MYBPC3: variants seen among roughly 807,000 people sequenced by gnomAD.
MYBPC3 encodes the protein myosin binding protein C3.
A neutral mutation model predicts 159.3 loss-of-function variants in MYBPC3; 108 were observed. The observed-to-expected ratio is 0.68, with a 90% confidence interval of 0.58 to 0.80. The LOEUF is 0.80. Ranked by LOEUF, MYBPC3 falls within the 30% of genes least tolerant of loss-of-function variation. The pLI is 0.00. For missense variants in MYBPC3, 1,631 were observed against 1,762.1 expected (o/e 0.93, Z 1.33); for synonymous variants, 730 against 702.0 (o/e 1.04, Z -0.63).
intron 24 of MYBPC3, 27 bp downstream of exon 24, chr11:47,337,663 A>G (rs760543604): frequency 6.3e-7 from 1 of 1,597,752 alleles, no homozygotes. Context: ...GCGCCCTCAC[A>G]CCTCCATCCG....
intron 27 of MYBPC3, among the ~76,000 whole-genome samples, chr11:47,334,617 A>G (rs2095880450): frequency 6.6e-6 from 1 of 151,686 alleles, no homozygotes; most frequent in Non-Finnish European, 1.5e-5. Context: ...CTGGAGTGCA[A>G]TAGTGTGATC....
In MYBPC3 at chr11:47,348,509, G is replaced by T. The variant is rs886733130; in HGVS notation, c.687C>A (p.Ala229=). ...GGTAGCTGCCAGTGAAGGCAGGCTGGGCATCGGTGATGTGCAGCTCGAACA... is the reference window on the plus strand; with the variant it reads ...GGTAGCTGCCAGTGAAGGCAGGCTGTGCATCGGTGATGTGCAGCTCGAACA... ...VYLFELHITD[A]QPAFTGSYRC... Residue 229 remains alanine (A), a synonymous_variant, in exon 6 of 35, where the codon GCC becomes GCA. Coordinates refer to ENST00000545968, the MANE Select transcript of MYBPC3 (RefSeq NM_000256.3). The T allele has an allele frequency of 6.2e-7, 1 of 1,613,430 alleles. No individual in the cohort carries two copies. Among genetic ancestry groups the T allele is most frequent in the Non-Finnish European group, 8.5e-7 (1 of 1,179,662 alleles).
rs373746463 is a variant in MYBPC3, at chr11:47,333,189, C to T, written c.3330+5G>A. 1.9e-6 allele frequency: 3 copies of T among 1,601,506 alleles called. No individual in the cohort carries two copies. Among genetic ancestry groups the T allele is most frequent in the South Asian group, 1.1e-5 (1 of 88,534 alleles). On this transcript the variant is annotated splice_donor_5th_base_variant and intron_variant, in intron 30 of 34. Coordinates refer to ENST00000545968, the MANE Select transcript of MYBPC3 (RefSeq NM_000256.3). ...GCACGTGGGGACCCCAGACCCTGGG[C>T]TCACCATGGTCTTCTTGTCGGCTTT...
In MYBPC3 at chr11:47,332,857, G is replaced by A. The variant is rs915970920; in HGVS notation, c.3447C>T (p.Asp1149=). 6.2e-7 allele frequency: 1 copy of A among 1,607,458 alleles called. No homozygotes were observed. Among genetic ancestry groups the A allele is most frequent in the African/African-American group, 1.3e-5 (1 of 74,930 alleles). ...VFSQNMVGFS[D]RAATTKEPVF... ...CGGGCTCCTTGGTGGTGGCCGCTCTGTCACTAAAGCCAACCATATTCTGGC... is the reference window on the plus strand; with the variant it reads ...CGGGCTCCTTGGTGGTGGCCGCTCTATCACTAAAGCCAACCATATTCTGGC... Residue 1149 remains aspartate, a synonymous_variant, in exon 31 of 35, where the codon GAC becomes GAT. Transcript: ENST00000545968. This position sits in a 1 kb window ranked among gnomAD's most constrained non-coding sequence, Gnocchi z 4.2.
chr11:47,347,142 CCT>C, intron 9 of MYBPC3, 113 bp from the exon 10 acceptor site: 2 of 1,398,044 alleles, frequency 1.4e-6, no homozygotes, highest in Non-Finnish European at 1.9e-6. Context: ...CTCTGGGGAC[CCT>C]CTCTCTGTTC....
intron 1 of MYBPC3, 105 bp downstream of exon 1, chr11:47,352,518 C>A: frequency 4.8e-6 from 7 of 1,457,178 alleles, no homozygotes; most frequent in Non-Finnish European, 6.5e-6. Context: ...GGCTCAGAGG[C>A]CACGTCCTCG....
Position 47,339,717 on chromosome 11 carries a change from T to C in MYBPC3, c.2001A>G (p.Leu667=), listed in dbSNP as rs2095886373. Residue 667 remains leucine, a synonymous_variant, in exon 21 of 35, where the codon CTA becomes CTG. Coordinates refer to ENST00000545968, the MANE Select transcript of MYBPC3 (RefSeq NM_000256.3). ...DTIVVVAGNK[L]RLDVPISGDP... is the part of the protein sequence containing the mutation. ...CCCCAGAGATAGGGACGTCCAGACGTAGCTTATTTCCAGCTACAACCACAA... is the reference window on the plus strand; with the variant it reads ...CCCCAGAGATAGGGACGTCCAGACGCAGCTTATTTCCAGCTACAACCACAA... The C allele has an allele frequency of 6.2e-7, 1 of 1,613,920 alleles. No homozygotes were observed.
At chr11:47,333,173 G>A in intron 30 of MYBPC3, 21 bp downstream of exon 30, 1 of 1,597,928 alleles carries the variant, frequency 6.3e-7, no homozygotes, top group Non-Finnish European at 8.5e-7. Flanking sequence ...TGCACGTGGG[G>A]ACCCCAGACC....
In MYBPC3 at chr11:47,337,672, C is replaced by T. The variant is rs768281173; in HGVS notation, c.2413+18G>A. ...TGTTTGGCGCCCTCACACCTCCATC[C>T]GGTGCCCTTGCACTCACCCAGGATG... On this transcript the variant is annotated intron_variant, in intron 24 of 34. Transcript: ENST00000545968. The T allele has an allele frequency of 2.1e-5, 33 of 1,594,290 alleles. No individual in the cohort carries two copies. The highest frequency in any genetic ancestry group is 6.8e-5 in the East Asian group (3 of 43,860).
chr11:47,333,644 C>T lies in MYBPC3; in HGVS notation c.3103G>A (p.Ala1035Thr), dbSNP rs552505566. 1.7e-5 allele frequency: 28 copies of T among 1,609,026 alleles called. No individual in the cohort carries two copies. The highest frequency in any genetic ancestry group is 1.4e-4 in the South Asian group (13 of 91,088). ...TAAGTGCCTGAATGCACGCGGCGAG[C>T]GGCCCGGATGAACAGGATGGTGTCT... ...PTDTILFIRA[A>T]RRVHSGTYQV... Residue 1035 changes from alanine to threonine, a missense_variant, in exon 29 of 35, where the codon GCT becomes ACT. Coordinates refer to ENST00000545968, the MANE Select transcript of MYBPC3 (RefSeq NM_000256.3).
At position 47,346,590 on chromosome 11, in the gene MYBPC3, G is replaced by A. The variant is rs573356153; in HGVS notation, c.926+37C>T. The A allele has an allele frequency of 7.7e-6, 12 of 1,559,922 alleles. No homozygotes were observed. The East Asian group carries it at 1.1e-4, about 15-fold the overall frequency. On this transcript the variant is annotated intron_variant, in intron 11 of 34. Coordinates refer to ENST00000545968, the MANE Select transcript of MYBPC3 (RefSeq NM_000256.3). This position sits in a 1 kb window ranked among gnomAD's most constrained non-coding sequence, Gnocchi z 5.3. ...TCTGGAGGGGCTCCTGGCAGAATTA[G>A]GGGTGATGAGGGTGCTGTGCTATGT...
chr11:47,335,284 T>C, intron 26 of MYBPC3, 75 bp from the exon 27 acceptor site: 1 of 1,172,336 alleles, frequency 8.5e-7, no homozygotes, highest in East Asian at 2.8e-5. Flanking sequence ...CCCACTCCTC[T>C]GATAGGAATC....
At chr11:47,336,623 C>T (rs567945037) in intron 25 of MYBPC3, among the ~76,000 whole-genome samples, 25 of 152,112 alleles carry the variant, frequency 1.6e-4, no homozygotes, top group Non-Finnish European at 2.5e-4. Flanking sequence ...GAGGCCTGGA[C>T]CCTTCTCCCC....
In MYBPC3 at chr11:47,351,131, A is replaced by C. The variant is rs528467051; in HGVS notation, c.292+108T>G. On this transcript the variant is annotated intron_variant, in intron 2 of 34. Transcript: ENST00000545968. This position sits in a 1 kb window ranked among gnomAD's most constrained non-coding sequence, Gnocchi z 4.2. Reference sequence around the variant, plus strand: ...CTGGCGGGGGGCACAGCCACAGCAAAGGCAAGAAAGTGTGAAAGCACCTCC... The same window carrying C: ...CTGGCGGGGGGCACAGCCACAGCAACGGCAAGAAAGTGTGAAAGCACCTCC... The C allele has an allele frequency of 1.8e-5, 25 of 1,355,702 alleles. No homozygotes were observed. The South Asian group carries it at 4.0e-4, about 22-fold the overall frequency. The allele number at this position is 1,355,702 out of a possible 1,614,324, so 84.0% of individuals were successfully genotyped here. A position where few individuals can be genotyped will look rare whatever the true frequency, so the allele number is the denominator to read the frequency against.
chr11:47,331,975 G>A, intron 33 of MYBPC3, 94 bp from the exon 34 acceptor site: 1 of 1,593,248 alleles, frequency 6.3e-7, no homozygotes, highest in Non-Finnish European at 8.5e-7. Flanking sequence ...TTGCAGCCAG[G>A]GCAGGTGCTT....
intron 4 of MYBPC3, 40 bp from the exon 5 acceptor site, chr11:47,349,962 C>A (rs1196110962): frequency 6.4e-7 from 1 of 1,567,780 alleles, no homozygotes; most frequent in Admixed American, 1.9e-5. Flanking sequence ...TGGGGAGTGT[C>A]CTGCTGCCCC....
Position 47,337,447 on chromosome 11 carries a change from A to G in MYBPC3, c.2546T>C (p.Val849Ala), listed in dbSNP as rs745922957. ...GVVYEMRVYA[V>A]NAIGMSRPSP... ...GGGCCTGGACATGCCGATGGCGTTG[A>G]CCGCGTAGACGCGCATCTCGTACAC... Residue 849 changes from valine (V) to alanine (A), a missense_variant, in exon 25 of 35, where the codon GTC becomes GCC. Val to Ala is a moderately conservative substitution (Grantham distance 64). Transcript: ENST00000545968. 2.5e-6 allele frequency: 4 copies of G among 1,612,644 alleles called. No homozygotes were observed. In the South Asian group the frequency reaches 3.3e-5, roughly 13 times the overall value.
At chr11:47,336,035 G>A in intron 25 of MYBPC3, 24 bp from the exon 26 acceptor site, 1 of 1,463,772 alleles carries the variant, frequency 6.8e-7, no homozygotes, top group Non-Finnish European at 9.1e-7. Context: ...AGGTCAGAGA[G>A]GGGTCTGAGC....
Position 47,331,724 on chromosome 11 carries a change from A to G in MYBPC3, c.*27-8T>C. ...GCTGGCATCCGGTTGTACCTGCAACACAGGTTATCTTACGAGTGAATGGAG... is the reference window on the plus strand; with the variant it reads ...GCTGGCATCCGGTTGTACCTGCAACGCAGGTTATCTTACGAGTGAATGGAG... On this transcript the variant is annotated splice_polypyrimidine_tract_variant and splice_region_variant and intron_variant, in intron 34 of 34. Transcript: ENST00000545968. 1 of 1,074,058 alleles carries G rather than the reference A, an allele frequency of 9.3e-7. No homozygotes were observed. The highest frequency in any genetic ancestry group is 1.6e-5 in the South Asian group (1 of 61,254). The allele number at this position is 1,074,058 out of a possible 1,614,324, so 66.5% of individuals were successfully genotyped here. A position where few individuals can be genotyped will look rare whatever the true frequency, so the allele number is the denominator to read the frequency against.
Sources: gnomAD v4.1 joint callset for allele counts (sites outside exome capture counted in the v4.1 genomes callset) on GRCh38, gnomAD v4.1.1 for gene constraint, Gnocchi (gnomAD v3.1) non-coding constraint, MANE v1.5 for transcripts, NCBI Gene and HGNC (gene_info 2026-07-23, HGNC 2026-07-21) for gene names.